KIF11: variants seen among roughly 807,000 people sequenced by gnomAD.
The protein encoded by KIF11 is kinesin family member 11.
KIF11 carries 9 observed loss-of-function variants against 121.0 expected under a neutral mutation model. The ratio of observed to expected loss-of-function variants is 0.07; its 90% CI spans 0.04 to 0.13. KIF11 has a LOEUF of 0.13. KIF11 is among the 10% of genes least tolerant of loss of function. The pLI, the probability that KIF11 is intolerant of heterozygous loss-of-function variation, is 1.00. For synonymous variants in KIF11, 408 were observed against 421.0 expected (o/e 0.97, Z 0.38); for missense variants, 846 against 1,217.5 (o/e 0.69, Z 4.54).
At chr10:92,620,543 A>G (rs923606191) in intron 9 of KIF11, among the ~76,000 whole-genome samples, 22 of 152,284 alleles carry the variant, frequency 1.4e-4, no homozygotes, top group African/African-American at 4.6e-4. Context: ...CTCCTCACCG[A>G]TGCTCAGATT....
chr10:92,653,895 A>C lies in KIF11; in HGVS notation c.*99A>C, dbSNP rs1420930398. 1 of 1,127,266 alleles carries C rather than the reference A, an allele frequency of 8.9e-7. No homozygotes were observed. Among genetic ancestry groups the C allele is most frequent in the African/African-American group, 1.6e-5 (1 of 63,198 alleles). The allele number at this position is 1,127,266 out of a possible 1,614,324, so 69.8% of individuals were successfully genotyped here. ...TTGTGTATAGATTTTAAAAGAATAT[A>C]TATATCAGCCGGGCGCGGTGGCTCA... On this transcript the variant is annotated 3_prime_UTR_variant, in exon 22 of 22. Coordinates refer to ENST00000260731, the MANE Select transcript of KIF11 (RefSeq NM_004523.4).
chr10:92,639,594 A>T (rs1020678202), intron 16 of KIF11, among the ~76,000 whole-genome samples, 200 bp from the exon 17 acceptor site: 2 of 144,770 alleles, frequency 1.4e-5, no homozygotes, highest in African/African-American at 5.0e-5. Context: ...CCCTGTCTCT[A>T]AAAAAAAAAA....
intron 10 of KIF11, among the ~76,000 whole-genome samples, chr10:92,627,805 T>G (rs1308498787): frequency 6.6e-6 from 1 of 152,228 alleles, no homozygotes; most frequent in African/African-American, 2.4e-5. Context: ...TTTTTTCTTT[T>G]GTTCTAGCCC....
At chr10:92,618,154 C>T (rs1844578898) in intron 9 of KIF11, among the ~76,000 whole-genome samples, 1 of 151,934 alleles carries the variant, frequency 6.6e-6, no homozygotes, top group African/African-American at 2.4e-5. Flanking sequence ...ATGCTTTGCC[C>T]AATTTTAATT....
chr10:92,651,502 A>ATTTTTTTT (rs1343216900), intron 21 of KIF11, among the ~76,000 whole-genome samples: 3 of 21,552 alleles, frequency 1.4e-4, no homozygotes, highest in East Asian at 2.9e-3. Flanking sequence ...TGCCTGGCTA[A>ATTTTTTTT]TTTTGTTTTT....
At chr10:92,594,152 A>G (rs1463048092) in intron 1 of KIF11, among the ~76,000 whole-genome samples, 4 of 152,224 alleles carry the variant, frequency 2.6e-5, no homozygotes, top group South Asian at 2.1e-4. Context: ...TCAACTTTTT[A>G]GAGGCTCTCC....
chr10:92,604,017 C>A (rs1844403795), intron 1 of KIF11, among the ~76,000 whole-genome samples: 2 of 152,272 alleles, frequency 1.3e-5, no homozygotes, highest in South Asian at 4.1e-4. Context: ...CACTTCTCCA[C>A]AGGATAGGAC....
At chr10:92,606,188 A>G (rs1844428714) in intron 1 of KIF11, 77 bp from the exon 2 acceptor site, 4 of 1,400,684 alleles carry the variant, frequency 2.9e-6, no homozygotes, top group Non-Finnish European at 3.8e-6. Context: ...TTTCTTGACA[A>G]ATGTAGTTAG....
intron 8 of KIF11, among the ~76,000 whole-genome samples, chr10:92,614,891 C>G (rs73325701): frequency 0.15 from 22,678 of 151,962 alleles, 3,598 homozygotes; most frequent in African/African-American, 0.4. Context: ...CAAGTGATTC[C>G]CCCAACCACA....
chr10:92,608,246 G>A (rs1447826787), intron 4 of KIF11, among the ~76,000 whole-genome samples: 1 of 151,062 alleles, frequency 6.6e-6, no homozygotes, highest in African/African-American at 2.4e-5. Context: ...TGAGTAGCTG[G>A]GATTAGAGGC....
chr10:92,650,128 T>A (rs1844965477), intron 20 of KIF11, 142 bp downstream of exon 20: 3 of 638,074 alleles, frequency 4.7e-6, no homozygotes, highest in Non-Finnish European at 8.0e-6. Flanking sequence ...TAGGCTTGTT[T>A]CTTTTAATCT....
Position 92,632,701 on chromosome 10 carries a change from C to T in KIF11, c.1702+8C>T, listed in dbSNP as rs1349029168. The T allele has an allele frequency of 1.3e-6, 2 of 1,564,946 alleles. No homozygotes were observed. Among genetic ancestry groups the T allele is most frequent in the Non-Finnish European group, 1.7e-6 (2 of 1,148,668 alleles). On this transcript the variant is annotated splice_region_variant and intron_variant, in intron 13 of 21. Coordinates refer to ENST00000260731, the MANE Select transcript of KIF11 (RefSeq NM_004523.4). ...TACATAAGACCTTATTTGGTAAGTT[C>T]AGGCTGTTCTGTTCTAGTCTTGATG...
chr10:92,604,858 T>C (rs1357286536), intron 1 of KIF11, among the ~76,000 whole-genome samples: 1 of 152,166 alleles, frequency 6.6e-6, no homozygotes, highest in Non-Finnish European at 1.5e-5. Flanking sequence ...ATATTAGTTT[T>C]CCCATAATTC....
At chr10:92,632,352 G>C in intron 12 of KIF11, 134 bp from the exon 13 acceptor site, 1 of 609,736 alleles carries the variant, frequency 1.6e-6, no homozygotes, top group Non-Finnish European at 2.9e-6. Context: ...ATTTTTAGTA[G>C]AGACGGGGTT....
At chr10:92,612,848 A>G (rs909453820) in intron 6 of KIF11, among the ~76,000 whole-genome samples, 192 bp from the exon 7 acceptor site, 2 of 152,152 alleles carry the variant, frequency 1.3e-5, no homozygotes. Flanking sequence ...CAGGCAGTAG[A>G]TATGAGAAAA....
chr10:92,650,516 A>T lies in KIF11; in HGVS notation c.3038A>T (p.Gln1013Leu). 6.5e-7 allele frequency: 1 copy of T among 1,537,130 alleles called. No homozygotes were observed. Among genetic ancestry groups the T allele is most frequent in the Non-Finnish European group, 9.0e-7 (1 of 1,109,878 alleles). ...CSSIGGVPFF[Q>L]HKKSHGKDKE... Reference sequence around the variant, plus strand: ...TCAATTGGCGGGGTTCCATTTTTCCAGGTATGTCATATCAGATAACCCTTC... The same window carrying T: ...TCAATTGGCGGGGTTCCATTTTTCCTGGTATGTCATATCAGATAACCCTTC... Residue 1013 changes from glutamine to leucine, a missense_variant and splice_region_variant, in exon 21 of 22, where the codon CAG becomes CTG. Around this residue, in one of 5 missense-constraint regions of KIF11, gnomAD observed 492 missense variants for 603.4 expected, o/e 0.82. Coordinates refer to ENST00000260731, the MANE Select transcript of KIF11 (RefSeq NM_004523.4).
intron 18 of KIF11, among the ~76,000 whole-genome samples, chr10:92,646,077 G>C (rs907432740): frequency 3.3e-5 from 5 of 150,876 alleles, no homozygotes; most frequent in African/African-American, 9.7e-5. Flanking sequence ...TCAGCCTCTC[G>C]AGTAGTTGGG....
intron 8 of KIF11, 37 bp from the exon 9 acceptor site, chr10:92,616,700 A>C (rs17875337): frequency 8.6e-6 from 9 of 1,042,068 alleles, no homozygotes; most frequent in Non-Finnish European, 1.3e-5. Flanking sequence ...TTATTCTCAC[A>C]ATATCTTCAG....
chr10:92,651,666 C>T (rs1456430843), intron 21 of KIF11, among the ~76,000 whole-genome samples: 4 of 151,182 alleles, frequency 2.6e-5, no homozygotes, highest in African/African-American at 7.3e-5. Context: ...CGGCCCGGCC[C>T]CTCCTACCCA....
Sources: gnomAD v4.1 joint callset for allele counts (sites outside exome capture counted in the v4.1 genomes callset) on GRCh38, gnomAD v4.1.1 for gene constraint, gnomAD v4.1.1 regional missense constraint, MANE v1.5 for transcripts, NCBI Gene and HGNC (gene_info 2026-07-23, HGNC 2026-07-21) for gene names.